The following STAU1 variants were observed in gnomAD, a reference collection of about 807,000 sequenced individuals.
The protein encoded by STAU1 is staufen double-stranded RNA binding protein 1.
In STAU1, 13 loss-of-function variants were observed where a neutral mutation model predicts 62.9. The observed-to-expected ratio is 0.21, with a 90% confidence interval of 0.13 to 0.33. STAU1 has a LOEUF of 0.33. Ranked by LOEUF, STAU1 falls within the 10% of genes least tolerant of loss-of-function variation. STAU1 has a pLI of 1.00. For synonymous variants in STAU1, 269 were observed against 265.1 expected (o/e 1.01, Z -0.14); for missense variants, 571 against 712.1 (o/e 0.80, Z 2.25).
chr20:49,210,208 T>A, the STAU1 span, among the ~76,000 whole-genome samples: 5 of 152,186 alleles, frequency 3.3e-5, no homozygotes, highest in African/African-American at 7.2e-5. Context: ...ATCTCCTGTT[T>A]CCTGAATTCC....
intron 3 of STAU1, among the ~76,000 whole-genome samples, chr20:49,164,408 C>T (rs2078859378): frequency 6.6e-6 from 1 of 151,846 alleles, no homozygotes; most frequent in Non-Finnish European, 1.5e-5. Context: ...TCAAGTGACC[C>T]TCCTGCCTCA....
chr20:49,185,745 T>A (rs1232178271), intron 1 of STAU1, among the ~76,000 whole-genome samples: 1 of 152,228 alleles, frequency 6.6e-6, no homozygotes, highest in East Asian at 1.9e-4. Flanking sequence ...GAGTTTCGCA[T>A]GTTTTCCAGA....
chr20:49,130,927 G>A (rs2092735307), intron 6 of STAU1, among the ~76,000 whole-genome samples: 1 of 151,220 alleles, frequency 6.6e-6, no homozygotes, highest in Non-Finnish European at 1.5e-5. Flanking sequence ...AACAGAGCGA[G>A]ACTCCGTCTC....
the STAU1 span, among the ~76,000 whole-genome samples, chr20:49,213,535 T>G: frequency 6.6e-6 from 1 of 152,096 alleles, no homozygotes; most frequent in African/African-American, 2.4e-5. Context: ...GCCTATTTGC[T>G]TTTAATGTGG....
Position 49,153,797 on chromosome 20 carries a change from T to G in STAU1, c.344+136A>C. ...GAGGGGCACAAAGGCACAAGAGTAA[T>G]TAAGACCAACTTCAACACTTGGCAG... On this transcript the variant is annotated intron_variant, in intron 4 of 13. Coordinates refer to ENST00000371856, the MANE Select transcript of STAU1 (RefSeq NM_017453.4). 6.0e-6 allele frequency: 5 copies of G among 832,916 alleles called. No homozygotes were observed. In the South Asian group the frequency reaches 1.1e-4, roughly 19 times the overall value. 51.6% of individuals were successfully genotyped at this position (832,916 alleles called of 1,614,324 possible). A position where few individuals can be genotyped will look rare whatever the true frequency, so the allele number is the denominator to read the frequency against.
intron 4 of STAU1, among the ~76,000 whole-genome samples, chr20:49,153,094 C>T (rs1014639112): frequency 1.3e-5 from 2 of 151,090 alleles, no homozygotes; most frequent in African/African-American, 4.9e-5. Context: ...ACTAAAAATA[C>T]AAAAAATTAG....
Position 49,180,381 on chromosome 20 carries a change from C to T in STAU1, c.-159-6112G>A, listed in dbSNP as rs553748109. Reference sequence around the variant, plus strand: ...CTCTGTTGCCCAGGCTGAAGTGCAGCGGCACGATGTCAGGTCACTGCAAAC... The same window carrying T: ...CTCTGTTGCCCAGGCTGAAGTGCAGTGGCACGATGTCAGGTCACTGCAAAC... On this transcript the variant is annotated intron_variant, in intron 1 of 13. Coordinates refer to ENST00000371856, the MANE Select transcript of STAU1 (RefSeq NM_017453.4). Among the ~76,000 whole-genome samples the T allele has an allele frequency of 3.0e-3, 445 of 150,734 alleles. 1 individual carries two copies. The highest frequency in any genetic ancestry group is 4.3e-3 in the Non-Finnish European group (292 of 67,860).
At chr20:49,142,751 A>C (rs2146124625) in intron 5 of STAU1, among the ~76,000 whole-genome samples, 1 of 152,314 alleles carries the variant, frequency 6.6e-6, no homozygotes, top group East Asian at 1.9e-4. Context: ...GCAGCCAGTA[A>C]AATAAAAATG....
chr20:49,209,483 A>C, the STAU1 span, among the ~76,000 whole-genome samples: 1 of 149,094 alleles, frequency 6.7e-6, no homozygotes, highest in African/African-American at 2.5e-5. Flanking sequence ...GGTGCCTCCC[A>C]CCTGTAATCT....
intron 3 of STAU1, among the ~76,000 whole-genome samples, chr20:49,164,630 T>C (rs1366651341): frequency 6.6e-6 from 1 of 151,798 alleles, no homozygotes; most frequent in Non-Finnish European, 1.5e-5. Context: ...ATTTGGGCAT[T>C]GTAGCTCACA....
intron 1 of STAU1, among the ~76,000 whole-genome samples, chr20:49,176,912 G>GTTTT (rs11368238): frequency 7.4e-6 from 1 of 135,724 alleles, no homozygotes; most frequent in Non-Finnish European, 1.6e-5. Flanking sequence ...AGGGTGTCTA[G>GTTTT]TTTTTTTTTT....
intron 5 of STAU1, among the ~76,000 whole-genome samples, chr20:49,137,463 A>G (rs778444250): frequency 6.6e-6 from 1 of 152,142 alleles, no homozygotes; most frequent in Non-Finnish European, 1.5e-5. Context: ...CTTATCTAGC[A>G]AAGTCCCCCA....
At chr20:49,189,707 A>G (rs1204993075), upstream of STAU1, among the ~76,000 whole-genome samples, 2 of 151,828 alleles carry the variant, frequency 1.3e-5, no homozygotes, top group Non-Finnish European at 1.5e-5. Flanking sequence ...CAAGAAACTG[A>G]GAATGAATGA....
intron 1 of STAU1, among the ~76,000 whole-genome samples, chr20:49,185,628 T>C (rs933990163): frequency 6.6e-6 from 1 of 152,172 alleles, no homozygotes; most frequent in South Asian, 2.1e-4. Flanking sequence ...CAAAATAATC[T>C]AGTTTGTGTG....
At chr20:49,175,080 T>C (rs2093642793) in intron 1 of STAU1, among the ~76,000 whole-genome samples, 1 of 152,002 alleles carries the variant, frequency 6.6e-6, no homozygotes, top group Admixed American at 6.6e-5. Flanking sequence ...CGCTTGAACC[T>C]GGGAGGTGGA....
chr20:49,168,308 TG>T (rs1225530217), intron 2 of STAU1, among the ~76,000 whole-genome samples: 5 of 152,132 alleles, frequency 3.3e-5, no homozygotes, highest in African/African-American at 7.2e-5. Context: ...CTCAAACTCC[TG>T]ACCTCAGGTG....
the STAU1 span, among the ~76,000 whole-genome samples, chr20:49,200,848 A>G: frequency 1.2e-3 from 182 of 151,624 alleles, no homozygotes; most frequent in Non-Finnish European, 2.0e-3. Context: ...CAGCCTGGGC[A>G]ATATAGTGAG....
the STAU1 span, among the ~76,000 whole-genome samples, chr20:49,214,476 C>T: frequency 6.7e-6 from 1 of 150,136 alleles, no homozygotes; most frequent in African/African-American, 2.5e-5. Context: ...TGAGATTGTG[C>T]CATTGCATTA....
At chr20:49,186,360 T>C (rs1028502144) in intron 1 of STAU1, among the ~76,000 whole-genome samples, 2 of 151,420 alleles carry the variant, frequency 1.3e-5, no homozygotes, top group African/African-American at 4.9e-5. Context: ...AAAAAAAAAT[T>C]CAAACAAACA....
Sources: allele counts gnomAD v4.1 joint callset (sites outside exome capture counted in the v4.1 genomes callset), GRCh38; gene constraint gnomAD v4.1.1; transcripts MANE v1.5; gene names NCBI Gene and HGNC (gene_info 2026-07-23, HGNC 2026-07-21).